Variants in SLC45A2 observed in about 807,000 individuals in gnomAD.
SLC45A2 encodes the protein solute carrier family 45 member 2.
SLC45A2 carries 36 observed loss-of-function variants against 45.5 expected under a neutral mutation model. The observed-to-expected ratio is 0.79, with a 90% CI of 0.61 to 1.04. The LOEUF (loss-of-function observed/expected upper bound fraction) is 1.04. SLC45A2 is among the 50% of genes least tolerant of loss of function. The probability of loss-of-function intolerance (pLI) is 0.00; values close to 1 mark genes in which losing one functional copy is unlikely to be tolerated. For missense variants in SLC45A2, 719 were observed against 671.0 expected (o/e 1.07, Z -0.79); for synonymous variants, 306 against 269.3 (o/e 1.14, Z -1.33).
chr5:33,947,420 A>C, intron 5 of SLC45A2, 46 bp from the exon 6 acceptor site: 1 of 1,499,632 alleles, frequency 6.7e-7, no homozygotes, highest in Non-Finnish European at 9.3e-7. Context: ...AGTGCCTCAT[A>C]ACATTTAATA....
chr5:33,962,918 G>C (rs555609011), intron 3 of SLC45A2, among the ~76,000 whole-genome samples: 1 of 152,276 alleles, frequency 6.6e-6, no homozygotes, highest in South Asian at 2.1e-4. Context: ...TTCAATTTTA[G>C]CTTGAAGGAA....
chr5:33,975,311 A>G (rs989762894), intron 2 of SLC45A2, among the ~76,000 whole-genome samples: 2 of 152,218 alleles, frequency 1.3e-5, no homozygotes, highest in African/African-American at 4.8e-5. Flanking sequence ...TTACACAACT[A>G]ACATGTTTAA....
intron 2 of SLC45A2, among the ~76,000 whole-genome samples, chr5:33,980,061 A>G (rs1381956468): frequency 6.6e-6 from 1 of 152,244 alleles, no homozygotes; most frequent in Non-Finnish European, 1.5e-5. Context: ...TTCAAAAGCC[A>G]GAAAGTCTCC....
At position 33,945,106 on chromosome 5, in the gene SLC45A2, G is replaced by A. The variant is rs150338147; in HGVS notation, c.1369-234C>T. 2.9e-3 allele frequency among the ~76,000 whole-genome samples: 436 copies of A among 152,346 alleles called. 3 individuals carry two copies. The highest frequency in any genetic ancestry group is 9.9e-3 in the African/African-American group (413 of 41,582). On this transcript the variant is annotated intron_variant, in intron 6 of 6. Transcript: ENST00000296589. ...GGACATTATTAGCATTTGATTTCAT[G>A]TAATTTTCATGAATTGGTGATGTGG...
intron 2 of SLC45A2, among the ~76,000 whole-genome samples, chr5:33,981,830 C>A (rs1385972514): frequency 6.6e-6 from 1 of 152,100 alleles, no homozygotes; most frequent in Non-Finnish European, 1.5e-5. Flanking sequence ...ATGTCTGGGC[C>A]CCGCCTTAGA....
chr5:33,951,391 G>T, intron 5 of SLC45A2, 163 bp downstream of exon 5: 1 of 1,541,434 alleles, frequency 6.5e-7, no homozygotes, highest in Non-Finnish European at 8.7e-7. Context: ...AAAAAAGGAT[G>T]CTTTATATGG....
chr5:33,946,874 C>T (rs754200912), intron 6 of SLC45A2: 2 of 1,372,742 alleles, frequency 1.5e-6, no homozygotes, highest in Non-Finnish European at 1.9e-6. Flanking sequence ...GGGCTGGTTT[C>T]TCAGCCTCAC....
chr5:33,955,431 A>G (rs1752245390), intron 3 of SLC45A2, among the ~76,000 whole-genome samples: 2 of 152,220 alleles, frequency 1.3e-5, no homozygotes, highest in Admixed American at 6.5e-5. Context: ...GAACTGTGAG[A>G]TAATAAACTG....
chr5:33,960,303 G>GT (rs536791686), intron 3 of SLC45A2, among the ~76,000 whole-genome samples: 149 of 150,618 alleles, frequency 9.9e-4, no homozygotes, highest in African/African-American at 3.4e-3. Flanking sequence ...ATATATCATA[G>GT]TTTTTTTATT....
At chr5:33,951,765 C>A in intron 4 of SLC45A2, 88 bp from the exon 5 acceptor site, 1 of 1,541,972 alleles carries the variant, frequency 6.5e-7, no homozygotes. Flanking sequence ...CTCTGGGGAG[C>A]AAATGTCCCT....
chr5:33,971,219 A>G (rs1431076233), intron 2 of SLC45A2: 2 of 531,362 alleles, frequency 3.8e-6, no homozygotes, highest in Non-Finnish European at 7.7e-6. Flanking sequence ...CCACTGATTT[A>G]TAACATGTCT....
intron 2 of SLC45A2, among the ~76,000 whole-genome samples, chr5:33,981,589 T>C (rs761416481): frequency 1.8e-4 from 27 of 152,160 alleles, no homozygotes; most frequent in Non-Finnish European, 3.2e-4. Flanking sequence ...CTCTAAACAA[T>C]TGACCAACAG....
At chr5:33,970,201 G>A (rs1047078358) in intron 2 of SLC45A2, among the ~76,000 whole-genome samples, 11 of 152,162 alleles carry the variant, frequency 7.2e-5, no homozygotes, top group South Asian at 6.2e-4. Flanking sequence ...AGCCAGCTCC[G>A]GCCAGCTTTG....
chr5:33,946,657 C>A (rs760217395), intron 6 of SLC45A2: 8 of 1,022,918 alleles, frequency 7.8e-6, no homozygotes, highest in Admixed American at 5.1e-5. Flanking sequence ...CACATGGGGT[C>A]TGACTTACTA....
At chr5:33,954,336 T>C (rs1326007640) in intron 4 of SLC45A2, 25 bp downstream of exon 4, 2 of 1,613,834 alleles carry the variant, frequency 1.2e-6, no homozygotes, top group Non-Finnish European at 1.7e-6. Context: ...GTAACAGTGA[T>C]TGTGTGCACA....
intron 3 of SLC45A2, among the ~76,000 whole-genome samples, chr5:33,956,906 G>GTT (rs1752293737): frequency 1.3e-5 from 2 of 152,068 alleles, no homozygotes; most frequent in African/African-American, 2.4e-5. Context: ...AAGAAATAAA[G>GTT]TTTATTCTTT....
intron 2 of SLC45A2, among the ~76,000 whole-genome samples, chr5:33,968,679 A>G (rs1752679790): frequency 1.3e-5 from 2 of 152,232 alleles, no homozygotes; most frequent in African/African-American, 4.8e-5. Flanking sequence ...AAATTGGTAA[A>G]CTGTCAGTAC....
At chr5:33,955,365 C>T (rs1277950730) in intron 3 of SLC45A2, among the ~76,000 whole-genome samples, 1 of 152,204 alleles carries the variant, frequency 6.6e-6, no homozygotes. Context: ...TGACTTCAAC[C>T]TTGTAAGACC....
In SLC45A2 at chr5:33,947,221, G is replaced by A. The variant is rs1411825612; in HGVS notation, c.1310C>T (p.Thr437Ile). The stretch of plus-strand genomic sequence containing the variant: ...GAGGTTAAAGGGCACAGTGTACAGG[G>A]TGCTGGACATTACACCAAACAGGCT... ...LCSLFGVMSS[T>I]LYTVPFNLIT... The change falls in exon 6 of 7, where the codon ACC becomes ATC. Residue 437 changes from threonine (T) to isoleucine (I), a missense_variant. Coordinates refer to ENST00000296589, the MANE Select transcript of SLC45A2 (RefSeq NM_016180.5). 1 of 1,614,110 alleles carries A rather than the reference G, an allele frequency of 6.2e-7. No individual in the cohort carries two copies. Among genetic ancestry groups the A allele is most frequent in the East Asian group, 2.2e-5 (1 of 44,896 alleles).
Sources: allele counts gnomAD v4.1 joint callset (sites outside exome capture counted in the v4.1 genomes callset), GRCh38; gene constraint gnomAD v4.1.1; transcripts MANE v1.5; gene names NCBI Gene and HGNC (gene_info 2026-07-23, HGNC 2026-07-21).